ADAM15: variants seen among roughly 807,000 people sequenced by gnomAD.
ADAM15 encodes disintegrin and metalloproteinase domain-containing protein 15.
ADAM15 carries 77 observed loss-of-function variants against 113.8 expected under a neutral mutation model. The ratio of observed to expected loss-of-function variants is 0.68; its 90% CI spans 0.56 to 0.82. The LOEUF (loss-of-function observed/expected upper bound fraction) is 0.82. ADAM15 is among the 40% of genes least tolerant of loss of function. ADAM15 has a pLI of 0.00. For missense variants in ADAM15, 963 were observed against 1,120.1 expected (o/e 0.86, Z 2.00); for synonymous variants, 388 against 454.1 (o/e 0.85, Z 1.85).
chr1:155,060,193 T>G lies in ADAM15; in HGVS notation c.2069-12T>G. 1 of 1,613,518 alleles carries G rather than the reference T, an allele frequency of 6.2e-7. No homozygotes were observed. The highest frequency in any genetic ancestry group is 8.5e-7 in the Non-Finnish European group (1 of 1,179,574). ...AGCCCCGTCCTCCCTTAAACCTGAC[T>G]TCCGCCCACAGCAACCAGCTCCCTG... On this transcript the variant is annotated splice_polypyrimidine_tract_variant and intron_variant, in intron 17 of 22. Transcript: ENST00000356955.
rs1661940235 is a variant in ADAM15 at position 155,057,548 on chromosome 1, G to A, written c.1324-89G>A. ...AGCCCTCGCTTGCTGTGTAGCTTCT[G>A]GTCTTGGCCTGTGGGAGGAGGAGAG... On this transcript the variant is annotated intron_variant, in intron 12 of 22. Transcript: ENST00000356955. The surrounding 1 kb of genome is among the most constrained non-coding windows in gnomAD (Gnocchi z 5.0). 1.3e-6 allele frequency: 2 copies of A among 1,541,342 alleles called. No individual in the cohort carries two copies. The highest frequency in any genetic ancestry group is 1.8e-6 in the Non-Finnish European group (2 of 1,118,296).
chr1:155,053,836 C>A, intron 3 of ADAM15, 74 bp from the exon 4 acceptor site: 1 of 1,554,240 alleles, frequency 6.4e-7, no homozygotes, highest in Non-Finnish European at 8.8e-7. Flanking sequence ...CCACAACCAC[C>A]TTCAAGCCTC....
Position 155,051,368 on chromosome 1 carries a change from G to C in ADAM15, c.-19G>C. On this transcript the variant is annotated 5_prime_UTR_variant, in exon 1 of 23. Coordinates refer to ENST00000356955, the MANE Select transcript of ADAM15 (RefSeq NM_207197.3). ...TGTTCCGCACTTGCTGCCCTCGCCC[G>C]GCCCGGAGCGCCGCTGCCATGCGGC... The C allele has an allele frequency of 6.7e-7, 1 of 1,491,728 alleles. No homozygotes were observed. 92.4% of individuals were successfully genotyped at this position (1,491,728 alleles called of 1,614,324 possible). A position where few individuals can be genotyped will look rare whatever the true frequency, so the allele number is the denominator to read the frequency against.
rs376781535 is a variant in ADAM15 at position 155,057,207 on chromosome 1, T to C, written c.1168T>C (p.Phe390Leu). ...ASTDFLPGLN[F>L]SNCSRRALEK... The stretch of plus-strand genomic sequence containing the variant: ...CCCCAGCTTCCTACCAGGCCTGAAC[T>C]TCAGCAACTGCAGCCGACGGGCCCT... Residue 390 changes from phenylalanine to leucine, a missense_variant, in exon 12 of 23, where the codon TTC (phenylalanine) becomes CTC (leucine). Phe to Leu is a conservative substitution (Grantham distance 22). Coordinates refer to ENST00000356955, the MANE Select transcript of ADAM15 (RefSeq NM_207197.3). The surrounding 1 kb of genome is among the most constrained non-coding windows in gnomAD (Gnocchi z 5.0). 40 of 1,613,798 alleles carry C rather than the reference T, an allele frequency of 2.5e-5. No individual in the cohort carries two copies. The highest frequency in any genetic ancestry group is 3.2e-5 in the Non-Finnish European group (38 of 1,179,740).
Position 155,053,599 on chromosome 1 carries a change from G to A in ADAM15, c.263+106G>A, listed in dbSNP as rs557169945. ...TTGTGCTCATTTAATCCTCATAACA[G>A]CCCTATAAGGGATATACTATCATGT... On this transcript the variant is annotated intron_variant, in intron 3 of 22. Transcript: ENST00000356955. The A allele has an allele frequency of 1.9e-5, 21 of 1,124,854 alleles. No homozygotes were observed. In the East Asian group the frequency reaches 4.4e-4, roughly 23 times the overall value. 69.7% of individuals were successfully genotyped at this position (1,124,854 alleles called of 1,614,324 possible).
rs116488141 is a variant in ADAM15 at position 155,057,272 on chromosome 1, C to T, written c.1233C>T (p.Phe411=). The part of the protein sequence containing the change: ...ALLDGMGSCL[F]ERLPSLPPMA... ...TGGATGGAATGGGCAGCTGCCTCTTCGAACGGCTGCCTAGCCTACCCCCTA... is the reference window on the plus strand; with the variant it reads ...TGGATGGAATGGGCAGCTGCCTCTTTGAACGGCTGCCTAGCCTACCCCCTA... The change falls in exon 12 of 23, where the codon TTC becomes TTT. Residue 411 remains phenylalanine (F), a synonymous_variant. Coordinates refer to ENST00000356955, the MANE Select transcript of ADAM15 (RefSeq NM_207197.3). This position sits in a 1 kb window ranked among gnomAD's most constrained non-coding sequence, Gnocchi z 5.0. 2,052 of 1,614,152 alleles carry T rather than the reference C, an allele frequency of 1.3e-3. 34 individuals carry two copies. In the African/African-American group the frequency reaches 0.024, roughly 19 times the overall value.
In ADAM15 at chr1:155,056,035, C is replaced by A; in HGVS notation, c.744+35C>A. 24 of 1,612,558 alleles carry A rather than the reference C, an allele frequency of 1.5e-5. No individual in the cohort carries two copies. The highest frequency in any genetic ancestry group is 2.0e-5 in the Non-Finnish European group (24 of 1,179,738). On this transcript the variant is annotated intron_variant, in intron 8 of 22. Transcript: ENST00000356955. The surrounding 1 kb of genome is among the most constrained non-coding windows in gnomAD (Gnocchi z 4.0). Reference sequence around the variant, plus strand: ...GGACAGGGCAACCCCCACCCCAGGCCCCTGACCATGGCAACCCCTCTTCTG... The same window carrying A: ...GGACAGGGCAACCCCCACCCCAGGCACCTGACCATGGCAACCCCTCTTCTG...
chr1:155,052,310 C>T (rs374485307), intron 1 of ADAM15: 1 of 605,030 alleles, frequency 1.7e-6, no homozygotes, highest in African/African-American at 1.9e-5. Flanking sequence ...CAAGGCTTAG[C>T]TCAGTCTCGA....
chr1:155,062,524 C>T lies in ADAM15; in HGVS notation c.*22C>T. On this transcript the variant is annotated 3_prime_UTR_variant, in exon 23 of 23. Coordinates refer to ENST00000356955, the MANE Select transcript of ADAM15 (RefSeq NM_207197.3). The surrounding 1 kb of genome is among the most constrained non-coding windows in gnomAD (Gnocchi z 7.0). ...CTGACCTCTCCGGAGGTTCCGCTGCCTCCAAGCCGGACTTAGGGCTTCAAG... is the reference window on the plus strand; with the variant it reads ...CTGACCTCTCCGGAGGTTCCGCTGCTTCCAAGCCGGACTTAGGGCTTCAAG... The T allele has an allele frequency of 6.2e-7, 1 of 1,611,770 alleles. No homozygotes were observed. The highest frequency in any genetic ancestry group is 8.5e-7 in the Non-Finnish European group (1 of 1,179,296).
At position 155,056,137 on chromosome 1, in the gene ADAM15, C is replaced by G. The variant is rs775093595; in HGVS notation, c.802C>G (p.Arg268Gly). Reference sequence around the variant, plus strand: ...AGTGGGCCTGGAGGCCTGGACCCAGCGTGACCTGGTGGAGATCAGCCCAAA... The same window carrying G: ...AGTGGGCCTGGAGGCCTGGACCCAGGGTGACCTGGTGGAGATCAGCCCAAA... ...ALVGLEAWTQRDLVEISPNPA... is the reference protein window; with the variant it reads ...ALVGLEAWTQGDLVEISPNPA... Residue 268 changes from arginine (R) to glycine (G), a missense_variant, in exon 9 of 23, where the codon CGT (arginine) becomes GGT (glycine). Transcript: ENST00000356955. This position sits in a 1 kb window ranked among gnomAD's most constrained non-coding sequence, Gnocchi z 4.0. The G allele has an allele frequency of 3.1e-6, 5 of 1,613,768 alleles. No individual in the cohort carries two copies. The African/African-American group carries it at 6.7e-5, about 22-fold the overall frequency.
intron 2 of ADAM15, 67 bp downstream of exon 2, chr1:155,052,844 A>C: frequency 2.6e-6 from 4 of 1,527,840 alleles, no homozygotes; most frequent in Non-Finnish European, 3.5e-6. Flanking sequence ...CAGGTGTCTC[A>C]AAGCCAAAGC....
Position 155,060,018 on chromosome 1 carries a change from G to C in ADAM15, c.2068+44G>C, listed in dbSNP as rs571518801. On this transcript the variant is annotated intron_variant, in intron 17 of 22. Transcript: ENST00000356955. ...ACAGGGGCAGCTGGGAGGGCAAAGC[G>C]TCTCATGCTTTATCTTGCCCCCTCG... 6 of 1,607,160 alleles carry C rather than the reference G, an allele frequency of 3.7e-6. No individual in the cohort carries two copies. The South Asian group carries it at 6.6e-5, about 18-fold the overall frequency.
chr1:155,052,286 C>T, intron 1 of ADAM15: 2 of 555,436 alleles, frequency 3.6e-6, no homozygotes, highest in East Asian at 3.0e-5. Flanking sequence ...GGAGGGTGAG[C>T]GGGCACCCGG....
chr1:155,056,802 C>A lies in ADAM15; in HGVS notation c.1000-151C>A. The A allele has an allele frequency of 8.4e-7, 1 of 1,192,552 alleles. No individual in the cohort carries two copies. Among genetic ancestry groups the A allele is most frequent in the South Asian group, 1.6e-5 (1 of 64,160 alleles). The allele number at this position is 1,192,552 out of a possible 1,614,324, so 73.9% of individuals were successfully genotyped here. A position where few individuals can be genotyped will look rare whatever the true frequency, so the allele number is the denominator to read the frequency against. On this transcript the variant is annotated intron_variant, in intron 10 of 22. Coordinates refer to ENST00000356955, the MANE Select transcript of ADAM15 (RefSeq NM_207197.3). This position sits in a 1 kb window ranked among gnomAD's most constrained non-coding sequence, Gnocchi z 4.0. ...AGTTTCTGCCATCCAGGCCTGGGTT[C>A]TCCTACTTTAGAAGCAATTCAGGAG...
rs1248279083 is a variant in ADAM15 at position 155,061,461 on chromosome 1, C to T, written c.2324C>T (p.Pro775Leu). The T allele has an allele frequency of 1.7e-5, 27 of 1,613,670 alleles. No individual in the cohort carries two copies. The highest frequency in any genetic ancestry group is 1.6e-4 in the Middle Eastern group (1 of 6,082). Reference sequence around the variant, plus strand: ...CCGGCCCCCCCTTCCAGGCCGCTGCCGCCTGACCCTGTGTCCAAGAGACTC... The same window carrying T: ...CCGGCCCCCCCTTCCAGGCCGCTGCTGCCTGACCCTGTGTCCAAGAGACTC... ...SFPAPPSRPL[P>L]PDPVSKRLQA... is the part of the protein sequence containing the mutation. The change falls in exon 20 of 23, where the codon CCG (proline) becomes CTG (leucine). Residue 775 changes from proline to leucine, a missense_variant. By Grantham distance (98) the Pro-to-Leu change is moderately conservative. Coordinates refer to ENST00000356955, the MANE Select transcript of ADAM15 (RefSeq NM_207197.3).
Position 155,058,263 on chromosome 1 carries a change from A to G in ADAM15, c.1739A>G (p.Gln580Arg), listed in dbSNP as rs1284909993. ...CCCCACAGAGATGCCATTTGTGGGC[A>G]GCTCCAGTGCCAGACAGGTAGGACC... is the stretch of plus-strand genomic sequence containing the variant. ...SCTPRDAICGQLQCQTGRTQP... is the reference protein window; with the variant it reads ...SCTPRDAICGRLQCQTGRTQP... The change falls in exon 15 of 23, where the codon CAG (glutamine) becomes CGG (arginine). Residue 580 changes from glutamine to arginine, a missense_variant. Transcript: ENST00000356955. The surrounding 1 kb of genome is among the most constrained non-coding windows in gnomAD (Gnocchi z 4.3). 6.8e-6 allele frequency: 11 copies of G among 1,614,052 alleles called. No individual in the cohort carries two copies. Among genetic ancestry groups the G allele is most frequent in the South Asian group, 1.1e-5 (1 of 91,074 alleles).
At position 155,057,534 on chromosome 1, in the gene ADAM15, G is replaced by A; in HGVS notation, c.1324-103G>A. ...GGTTGTTGGGCTCTAGCCCTCGCTT[G>A]CTGTGTAGCTTCTGGTCTTGGCCTG... On this transcript the variant is annotated intron_variant, in intron 12 of 22. Coordinates refer to ENST00000356955, the MANE Select transcript of ADAM15 (RefSeq NM_207197.3). The surrounding 1 kb of genome is among the most constrained non-coding windows in gnomAD (Gnocchi z 5.0). 3 of 1,518,426 alleles carry A rather than the reference G, an allele frequency of 2.0e-6. No individual in the cohort carries two copies. The highest frequency in any genetic ancestry group is 3.4e-5 in the Admixed American group (2 of 58,076). 94.1% of individuals were successfully genotyped at this position (1,518,426 alleles called of 1,614,324 possible). A position where few individuals can be genotyped will look rare whatever the true frequency, so the allele number is the denominator to read the frequency against.
chr1:155,061,771 T>C, intron 20 of ADAM15, 133 bp from the exon 21 acceptor site: 1 of 1,075,208 alleles, frequency 9.3e-7, no homozygotes, highest in South Asian at 1.6e-5. Context: ...CTCCAAGCCC[T>C]CTGCGCATGC....
chr1:155,051,700 T>C (rs1661045755), intron 1 of ADAM15: 1 of 420,710 alleles, frequency 2.4e-6, no homozygotes, highest in Non-Finnish European at 4.2e-6. Flanking sequence ...CTCTGCGCGG[T>C]CCCTGCGGAC....
Sources: gnomAD v4.1 joint callset for allele counts on GRCh38, gnomAD v4.1.1 for gene constraint, Gnocchi (gnomAD v3.1) non-coding constraint, MANE v1.5 for transcripts, NCBI Gene and HGNC (gene_info 2026-07-23, HGNC 2026-07-21) for gene names.